The following EBF1 variants were observed in gnomAD, a reference collection of about 807,000 sequenced individuals.
EBF1 encodes the protein EBF transcription factor 1.
Under a neutral mutation model 68.4 loss-of-function variants are expected in EBF1, and 10 were observed. That is an observed-to-expected ratio of 0.15 (90% CI 0.09 to 0.25). The LOEUF is 0.25. Ranked by LOEUF, EBF1 falls within the 10% of genes least tolerant of loss-of-function variation. The pLI is 1.00. For missense variants in EBF1, 509 were observed against 794.4 expected, an observed-to-expected ratio of 0.64 and a Z score of 4.32; for synonymous variants, 298 against 299.8, an observed-to-expected ratio of 0.99 and a Z score of 0.06.
chr5:159,086,848 C>T (rs981188929), intron 4 of EBF1, among the ~76,000 whole-genome samples: 9 of 152,094 alleles, frequency 5.9e-5, no homozygotes, highest in Admixed American at 2.0e-4. Flanking sequence ...CTAGTTTCAG[C>T]AAGCATTGAT....
intron 10 of EBF1, among the ~76,000 whole-genome samples, chr5:158,743,768 A>G (rs895851254): frequency 2.0e-5 from 3 of 152,224 alleles, no homozygotes; most frequent in African/African-American, 4.8e-5. Context: ...TAGCAGAAAG[A>G]AAACTATATA....
intron 6 of EBF1, among the ~76,000 whole-genome samples, chr5:158,891,565 CTTTA>C (rs1407370133): frequency 6.6e-6 from 1 of 152,120 alleles, no homozygotes; most frequent in African/African-American, 2.4e-5. Flanking sequence ...TTGGGCTAAT[CTTTA>C]TTTCTCTGGT....
chr5:159,033,878 C>T (rs557334337), intron 6 of EBF1, among the ~76,000 whole-genome samples: 2 of 152,290 alleles, frequency 1.3e-5, no homozygotes, highest in African/African-American at 2.4e-5. Context: ...CGACCTCCTA[C>T]ACCCCTTTGT....
intron 4 of EBF1, among the ~76,000 whole-genome samples, chr5:159,087,800 G>C (rs1780981087): frequency 2.6e-5 from 4 of 152,084 alleles, no homozygotes; most frequent in Admixed American, 2.6e-4. Flanking sequence ...TATGCTTCCA[G>C]CAGCAGAGTC....
intron 10 of EBF1, among the ~76,000 whole-genome samples, chr5:158,768,224 G>A (rs1773158035): frequency 6.6e-6 from 1 of 152,042 alleles, no homozygotes; most frequent in Non-Finnish European, 1.5e-5. Context: ...AAAGAGAGGA[G>A]AAACCAAATT....
intron 9 of EBF1, among the ~76,000 whole-genome samples, chr5:158,793,079 T>C (rs537088731): frequency 6.6e-6 from 1 of 152,324 alleles, no homozygotes; most frequent in East Asian, 1.9e-4. Context: ...CCCATCTCTC[T>C]ACCACTTGGC....
chr5:158,742,221 G>A (rs183329886), intron 10 of EBF1, among the ~76,000 whole-genome samples: 47 of 152,188 alleles, frequency 3.1e-4, no homozygotes, highest in Middle Eastern at 3.4e-3. Flanking sequence ...CCTTTCCTTT[G>A]TCTCAATTTA....
intron 6 of EBF1, among the ~76,000 whole-genome samples, chr5:158,895,822 G>A (rs1321120617): frequency 6.6e-6 from 1 of 152,174 alleles, no homozygotes; most frequent in East Asian, 1.9e-4. Context: ...CTGCTGAAAT[G>A]CAACTCAACT....
At chr5:158,719,996 C>A (rs1221315221) in intron 11 of EBF1, among the ~76,000 whole-genome samples, 1 of 152,098 alleles carries the variant, frequency 6.6e-6, no homozygotes, top group African/African-American at 2.4e-5. Context: ...ACAATACTTC[C>A]CTGTCACTGC....
At chr5:159,064,968 T>G (rs1182372223) in intron 6 of EBF1, among the ~76,000 whole-genome samples, 3 of 134,896 alleles carry the variant, frequency 2.2e-5, no homozygotes, top group Non-Finnish European at 1.5e-5. Context: ...CGTATGTGTG[T>G]GGTGTGTGTA....
chr5:158,979,973 G>GTTTTGTT (rs1400240840), intron 6 of EBF1, among the ~76,000 whole-genome samples: 1 of 152,044 alleles, frequency 6.6e-6, no homozygotes, highest in Non-Finnish European at 1.5e-5. Flanking sequence ...CACTGGGAGT[G>GTTTTGTT]TTTTGTTTTT....
intron 14 of EBF1, 70 bp from the exon 15 acceptor site, chr5:158,708,243 C>T (rs1758338164): frequency 6.8e-7 from 1 of 1,469,336 alleles, no homozygotes; most frequent in East Asian, 2.5e-5. Flanking sequence ...AGCTCAGATC[C>T]ATCCCTCACC....
At chr5:158,965,064 A>G (rs965982751) in intron 6 of EBF1, among the ~76,000 whole-genome samples, 2 of 152,198 alleles carry the variant, frequency 1.3e-5, no homozygotes, top group Admixed American at 6.5e-5. Flanking sequence ...GCCCTGAACT[A>G]TGAGTCAAAA....
At chr5:158,708,458 G>GA (rs1758398971) in intron 14 of EBF1, among the ~76,000 whole-genome samples, 1 of 152,208 alleles carries the variant, frequency 6.6e-6, no homozygotes, top group Non-Finnish European at 1.5e-5. Flanking sequence ...GTCATTAAGG[G>GA]AAAATGACCC....
rs548995829 is a variant in EBF1, at chr5:158,833,138, T to TA, written c.636+6890dup. Among the ~76,000 whole-genome samples the TA allele has an allele frequency of 4.7e-3, 700 of 148,946 alleles. 7 individuals carry two copies. The highest frequency in any genetic ancestry group is 0.015 in the African/African-American group (591 of 40,716). On this transcript the variant is annotated intron_variant, in intron 7 of 15. Transcript: ENST00000313708. ...AAGAGAGGTTGTCTCCCTTCTCTAC[T>TA]AAAAAAAAAATCTAAAAATTAGCCA...
At chr5:158,919,150 C>CTA (rs1807853437) in intron 6 of EBF1, among the ~76,000 whole-genome samples, 2 of 152,164 alleles carry the variant, frequency 1.3e-5, no homozygotes, top group South Asian at 4.1e-4. Flanking sequence ...CCAGTGCTGA[C>CTA]ATGGGTGGCC....
rs199980397 is a variant in EBF1, at chr5:158,969,919, A to AGAAAG, written c.554+103476_554+103477insCTTTC. Among the ~76,000 whole-genome samples, 263 of 60,164 alleles carry AGAAAG rather than the reference A, an allele frequency of 4.4e-3. 9 individuals carry two copies. The highest frequency in any genetic ancestry group is 5.5e-3 in the Non-Finnish European group (152 of 27,620). 39.5% of individuals were successfully genotyped at this position (60,164 alleles called of 152,430 possible). On this transcript the variant is annotated intron_variant, in intron 6 of 15. Transcript: ENST00000313708. ...AAGAAAGAAAGAAAGAAAGAAAGAA[A>AGAAAG]AAAAAAAAAAAGGCTGCTGGAAGTT...
At chr5:158,855,506 C>T (rs1448723982) in intron 6 of EBF1, among the ~76,000 whole-genome samples, 1 of 152,172 alleles carries the variant, frequency 6.6e-6, no homozygotes, top group Non-Finnish European at 1.5e-5. Context: ...GAATGCCAAG[C>T]TCTTCCCCAC....
intron 9 of EBF1, among the ~76,000 whole-genome samples, chr5:158,792,767 C>T (rs541497739): frequency 2.0e-5 from 3 of 152,118 alleles, no homozygotes; most frequent in Non-Finnish European, 4.4e-5. Context: ...CTTGCCCTAG[C>T]GTAGGCATGT....
Sources: gnomAD v4.1 joint callset for allele counts (sites outside exome capture counted in the v4.1 genomes callset) on GRCh38, gnomAD v4.1.1 for gene constraint, MANE v1.5 for transcripts, NCBI Gene and HGNC (gene_info 2026-07-23, HGNC 2026-07-21) for gene names.